UBR4: variants seen among roughly 807,000 people sequenced by gnomAD.
UBR4 encodes the protein E3 ubiquitin-protein ligase UBR4.
Under a neutral mutation model 575.6 loss-of-function variants are expected in UBR4, and 124 were observed. The observed-to-expected ratio is 0.22, with a 90% CI of 0.19 to 0.25. UBR4 has a LOEUF of 0.25. UBR4 is among the 10% of genes least tolerant of loss of function. UBR4 has a pLI of 1.00. For synonymous variants in UBR4, 2,455 were observed against 2,473.7 expected (o/e 0.99, Z 0.22); for missense variants, 4,818 against 6,478.8 (o/e 0.74, Z 8.80).
At chr1:19,150,894 A>G in intron 48 of UBR4, 101 bp from the exon 49 acceptor site, 1 of 1,129,806 alleles carries the variant, frequency 8.9e-7, no homozygotes, top group Non-Finnish European at 1.3e-6. Context: ...AAATCACGTC[A>G]ATTTTATAGA....
intron 39 of UBR4, 105 bp from the exon 40 acceptor site, chr1:19,158,102 CA>C (rs2086692941): frequency 7.8e-7 from 1 of 1,282,830 alleles, no homozygotes; most frequent in Admixed American, 2.3e-5. Context: ...TTCAGTCATT[CA>C]AAAGCAGTGA....
At chr1:19,170,446 T>C (rs2089340558) in intron 26 of UBR4, among the ~76,000 whole-genome samples, 1 of 152,222 alleles carries the variant, frequency 6.6e-6, no homozygotes, top group Admixed American at 6.5e-5. Flanking sequence ...AGCAAAGATC[T>C]GTGCTAAAGA....
At chr1:19,099,728 T>A in intron 89 of UBR4, 51 bp from the exon 90 acceptor site, 2 of 1,559,390 alleles carry the variant, frequency 1.3e-6, no homozygotes, top group South Asian at 1.1e-5. Context: ...GTAAGACAAG[T>A]AAAATCCAAG....
At position 19,112,741 on chromosome 1, in the gene UBR4, G is replaced by A. The variant is rs1441119981; in HGVS notation, c.11584C>T (p.Leu3862=). 7.4e-6 allele frequency: 12 copies of A among 1,614,256 alleles called. No homozygotes were observed. The highest frequency in any genetic ancestry group is 9.3e-6 in the Non-Finnish European group (11 of 1,180,040). Residue 3862 remains leucine (L), a synonymous_variant, in exon 78 of 106, where the codon CTG becomes TTG. Coordinates refer to ENST00000375254, the MANE Select transcript of UBR4 (RefSeq NM_020765.3). The part of the protein sequence containing the change: ...TASQYRALSV[L]GCGHTSSTKC... Reference sequence around the variant, plus strand: ...GTGGAGGATGTGTGGCCACAGCCCAGGACGGATAAGGCACGGTACTGGCTG... The same window carrying A: ...GTGGAGGATGTGTGGCCACAGCCCAAGACGGATAAGGCACGGTACTGGCTG...
chr1:19,096,036 A>C (rs1178423790), intron 92 of UBR4: 1 of 230,244 alleles, frequency 4.3e-6, no homozygotes, highest in African/African-American at 2.3e-5. Flanking sequence ...AGGTCATTTA[A>C]AACAAAGGCA....
intron 86 of UBR4, 77 bp from the exon 87 acceptor site, chr1:19,104,334 A>C: frequency 6.5e-7 from 1 of 1,543,614 alleles, no homozygotes; most frequent in Non-Finnish European, 8.8e-7. Context: ...AAAGATTATG[A>C]GCAACTCAAA....
Position 19,146,210 on chromosome 1 carries a change from C to G in UBR4, c.7805-277G>C. 3.2e-6 allele frequency: 3 copies of G among 925,878 alleles called. No homozygotes were observed. The South Asian group carries it at 5.1e-5, about 16-fold the overall frequency. The allele number at this position is 925,878 out of a possible 1,614,324, so 57.4% of individuals were successfully genotyped here. A position where few individuals can be genotyped will look rare whatever the true frequency, so the allele number is the denominator to read the frequency against. ...TTCAAAGATCTCAGTTCCAACTGTTCAACTTCTAAAACGTAGAGGAACATC... is the reference window on the plus strand; with the variant it reads ...TTCAAAGATCTCAGTTCCAACTGTTGAACTTCTAAAACGTAGAGGAACATC... On this transcript the variant is annotated intron_variant, in intron 52 of 105. Transcript: ENST00000375254.
intron 70 of UBR4, 50 bp from the exon 71 acceptor site, chr1:19,119,007 TA>T: frequency 6.3e-7 from 1 of 1,582,012 alleles, no homozygotes; most frequent in Non-Finnish European, 8.7e-7. Flanking sequence ...GGTGAAGTCT[TA>T]TTGGAAAAGA....
intron 87 of UBR4, among the ~76,000 whole-genome samples, chr1:19,102,240 C>CT (rs1337365185): frequency 6.6e-6 from 1 of 152,120 alleles, no homozygotes; most frequent in African/African-American, 2.4e-5. Context: ...TGGCACACGC[C>CT]TATAGTCCCA....
intron 17 of UBR4, among the ~76,000 whole-genome samples, chr1:19,182,472 C>T (rs1479579716): frequency 6.6e-6 from 1 of 152,122 alleles, no homozygotes; most frequent in Non-Finnish European, 1.5e-5. Flanking sequence ...CTTGCCTCGC[C>T]TCCCGAGTAG....
intron 48 of UBR4, chr1:19,151,416 A>G (rs557370043): frequency 3.3e-6 from 2 of 610,962 alleles, no homozygotes; most frequent in South Asian, 2.0e-5. Flanking sequence ...TGAAATGAAT[A>G]CTCAACACAG....
intron 20 of UBR4, among the ~76,000 whole-genome samples, 171 bp downstream of exon 20, chr1:19,176,421 G>T (rs1051290708): frequency 6.6e-6 from 1 of 152,142 alleles, no homozygotes; most frequent in South Asian, 2.1e-4. Flanking sequence ...ATAAATGTAG[G>T]CTATGTGGGA....
Position 19,161,271 on chromosome 1 carries a change from A to G in UBR4, c.5176-124T>C, listed in dbSNP as rs773771520. On this transcript the variant is annotated intron_variant, in intron 37 of 105. Coordinates refer to ENST00000375254, the MANE Select transcript of UBR4 (RefSeq NM_020765.3). ...TGGCTAAGCGTTTCAATGTTATCCA[A>G]AAGCCTAAATTCTGATCTTCATAGT... is the stretch of plus-strand genomic sequence containing the variant. 1.2e-4 allele frequency: 112 copies of G among 933,074 alleles called. No individual in the cohort carries two copies. The Middle Eastern group carries it at 1.2e-3, about 10-fold the overall frequency. 57.8% of individuals were successfully genotyped at this position (933,074 alleles called of 1,614,324 possible).
At position 19,122,022 on chromosome 1, in the gene UBR4, G is replaced by C. The variant is rs751718270; in HGVS notation, c.9817-10C>G. On this transcript the variant is annotated splice_polypyrimidine_tract_variant and intron_variant, in intron 66 of 105. Transcript: ENST00000375254. ...CTTTCAGGTGCTCCATCTGAAATAG[G>C]AACCAACCACGGGAAAGGAGTAACT... The C allele has an allele frequency of 1.9e-6, 3 of 1,613,774 alleles. No homozygotes were observed. The highest frequency in any genetic ancestry group is 2.5e-6 in the Non-Finnish European group (3 of 1,179,904).
In UBR4 at chr1:19,139,109, A is replaced by C; in HGVS notation, c.8705T>G (p.Val2902Gly). ...SVGSESGGSA[V>G]DSVAGEHSVS... ...ACTGTGCTCGCCAGCCACTGAGTCC[A>C]CTGCACTGCCCCCGCTCTCCGAGCC... Residue 2902 changes from valine to glycine, a missense_variant, in exon 59 of 106, where the codon GTG becomes GGG. Physicochemically the swap from Val to Gly is moderately radical, Grantham distance 109 (BLOSUM62 -3). Transcript: ENST00000375254. This position sits in a 1 kb window ranked among gnomAD's most constrained non-coding sequence, Gnocchi z 4.2. 3.7e-6 allele frequency: 6 copies of C among 1,613,668 alleles called. No homozygotes were observed. Among genetic ancestry groups the C allele is most frequent in the Non-Finnish European group, 4.2e-6 (5 of 1,179,806 alleles).
intron 1 of UBR4, among the ~76,000 whole-genome samples, chr1:19,207,593 C>A (rs992648825): frequency 6.6e-6 from 1 of 152,182 alleles, no homozygotes; most frequent in Non-Finnish European, 1.5e-5. Context: ...CGTGCCACTG[C>A]ACTCCAGCCT....
chr1:19,174,555 C>T, intron 21 of UBR4, 108 bp from the exon 22 acceptor site: 1 of 1,430,172 alleles, frequency 7.0e-7, no homozygotes, highest in Non-Finnish European at 9.4e-7. Flanking sequence ...CCCATCAAAT[C>T]ATAATCATTA....
intron 55 of UBR4, among the ~76,000 whole-genome samples, 166 bp downstream of exon 55, chr1:19,143,814 G>A (rs1043686396): frequency 2.0e-5 from 3 of 152,034 alleles, no homozygotes; most frequent in Non-Finnish European, 2.9e-5. Flanking sequence ...ACATTTTGAT[G>A]TGCCACCTAA....
intron 97 of UBR4, among the ~76,000 whole-genome samples, chr1:19,092,308 T>C (rs761111709): frequency 1.1e-4 from 16 of 152,048 alleles, no homozygotes; most frequent in Non-Finnish European, 2.2e-4. Context: ...TGTGAATTTA[T>C]AATAATCTCC....
Sources: allele counts gnomAD v4.1 joint callset (sites outside exome capture counted in the v4.1 genomes callset), GRCh38; gene constraint gnomAD v4.1.1; non-coding constraint Gnocchi (gnomAD v3.1); transcripts MANE v1.5; gene names NCBI Gene and HGNC (gene_info 2026-07-23, HGNC 2026-07-21).